The following MTMR10 variants were observed in gnomAD, a reference collection of about 807,000 sequenced individuals.
The protein encoded by MTMR10 is myotubularin related protein 10, also known as myotubularin-related protein 10.
MTMR10 carries 56 observed loss-of-function variants against 88.1 expected under a neutral mutation model. The ratio of observed to expected loss-of-function variants is 0.64; its 90% CI spans 0.51 to 0.79. MTMR10 has a LOEUF of 0.79. MTMR10 is among the 30% of genes least tolerant of loss of function. The probability of loss-of-function intolerance (pLI) is 0.00; values close to 1 mark genes in which losing one functional copy is unlikely to be tolerated. For missense variants in MTMR10, 883 were observed against 924.7 expected (o/e 0.95, Z 0.58); for synonymous variants, 380 against 340.9 (o/e 1.11, Z -1.26).
chr15:30,972,440 T>C (rs2063548733), intron 5 of MTMR10, among the ~76,000 whole-genome samples: 1 of 152,132 alleles, frequency 6.6e-6, no homozygotes, highest in African/African-American at 2.4e-5. Flanking sequence ...ATGCTTTTTA[T>C]ATTTTAGGAT....
At chr15:30,972,614 T>C (rs2063551008) in intron 5 of MTMR10, among the ~76,000 whole-genome samples, 1 of 152,222 alleles carries the variant, frequency 6.6e-6, no homozygotes, top group Non-Finnish European at 1.5e-5. Flanking sequence ...TCTGTTCATC[T>C]GGAAATCAAC....
intron 2 of MTMR10, among the ~76,000 whole-genome samples, chr15:30,988,726 C>T (rs1360610158): frequency 3.9e-5 from 6 of 152,122 alleles, no homozygotes; most frequent in African/African-American, 9.7e-5. Flanking sequence ...CAGTGGCTCA[C>T]GCCTGTAATC....
At chr15:30,930,085 A>G in the MTMR10 span, among the ~76,000 whole-genome samples, 1,728 of 148,760 alleles carry the variant, frequency 0.012, 30 homozygotes, top group African/African-American at 0.04. Context: ...CCTGGCCCCA[A>G]TGCCACTGTT....
downstream of MTMR10, chr15:30,936,999 C>A (rs976410589): frequency 3.8e-6 from 3 of 786,414 alleles, no homozygotes; most frequent in Non-Finnish European, 6.3e-6. Flanking sequence ...GTTACACTTA[C>A]AAATACAGTG....
In MTMR10 at chr15:30,942,945, C is replaced by A; in HGVS notation, c.1676G>T (p.Gly559Val). 6.4e-7 allele frequency: 1 copy of A among 1,565,216 alleles called. No individual in the cohort carries two copies. The highest frequency in any genetic ancestry group is 2.3e-5 in the East Asian group (1 of 42,950). Residue 559 changes from glycine to valine, a missense_variant, in exon 15 of 16, where the codon GGA (glycine) becomes GTA (valine). By Grantham distance (109) the Gly-to-Val change is moderately radical. Transcript: ENST00000435680. ...ATTCTGTATACAAGGTGTGCTCTTTCCAATGTAGAAGGGGTTATGGAAAAG... is the reference window on the plus strand; with the variant it reads ...ATTCTGTATACAAGGTGTGCTCTTTACAATGTAGAAGGGGTTATGGAAAAG... ...RTLFHNPFYI[G>V]KSTPCIQNGS...
chr15:30,946,642 C>T (rs2063175280), intron 14 of MTMR10: 2 of 677,160 alleles, frequency 3.0e-6, no homozygotes, highest in Admixed American at 4.4e-5. Flanking sequence ...TGAAATGGCA[C>T]TTTGGTTCAG....
the MTMR10 span, chr15:30,929,233 T>G: frequency 8.1e-6 from 13 of 1,613,438 alleles, no homozygotes; most frequent in Non-Finnish European, 1.0e-5. Context: ...CACAGACAGC[T>G]TCTTCACAAG....
rs1566938884 is a variant in MTMR10, at chr15:30,938,970, T to A, written c.*2500A>T. On this transcript the variant is annotated 3_prime_UTR_variant, in exon 16 of 16. Transcript: ENST00000435680. ...GTCGCTGTGGAATTTTATTAAGCCA[T>A]CAAAATTTCCTTCACATTCAATACT... 2 of 985,244 alleles carry A rather than the reference T, an allele frequency of 2.0e-6. No homozygotes were observed. Among genetic ancestry groups the A allele is most frequent in the African/African-American group, 1.7e-5 (1 of 57,226 alleles). The allele number at this position is 985,244 out of a possible 1,614,324, so 61.0% of individuals were successfully genotyped here. A position where few individuals can be genotyped will look rare whatever the true frequency, so the allele number is the denominator to read the frequency against.
chr15:30,980,078 G>C (rs542870142), intron 2 of MTMR10, among the ~76,000 whole-genome samples: 1 of 152,166 alleles, frequency 6.6e-6, no homozygotes, highest in Non-Finnish European at 1.5e-5. Flanking sequence ...TTACTGAAGC[G>C]ACAACTCTTA....
chr15:30,972,906 C>G (rs555452253), intron 5 of MTMR10, among the ~76,000 whole-genome samples: 1 of 152,086 alleles, frequency 6.6e-6, no homozygotes, highest in Admixed American at 6.6e-5. Context: ...GAAAGAGATC[C>G]GGTCAATTGC....
chr15:30,971,335 A>C (rs1184183758), intron 5 of MTMR10, among the ~76,000 whole-genome samples: 2 of 152,202 alleles, frequency 1.3e-5, no homozygotes, highest in Admixed American at 1.3e-4. Flanking sequence ...AGAAGCCAGA[A>C]GTACCCACAG....
chr15:30,935,576 G>A (rs1316871109), downstream of MTMR10, among the ~76,000 whole-genome samples: 1 of 150,998 alleles, frequency 6.6e-6, no homozygotes, highest in African/African-American at 2.4e-5. Flanking sequence ...AGATGTGCTA[G>A]AATATGCAGA....
At chr15:30,965,732 A>G (rs2063465110) in intron 6 of MTMR10, 2 of 263,588 alleles carry the variant, frequency 7.6e-6, no homozygotes. Flanking sequence ...AGGACCTTTC[A>G]GAGATGGCTT....
chr15:30,964,043 G>A (rs924980338), intron 6 of MTMR10, among the ~76,000 whole-genome samples: 11 of 151,514 alleles, frequency 7.3e-5, no homozygotes, highest in Middle Eastern at 6.8e-3. Context: ...TAGCAAGTTT[G>A]GAATAAAAGG....
At chr15:30,975,524 A>G (rs1057383847) in intron 3 of MTMR10, among the ~76,000 whole-genome samples, 1 of 152,204 alleles carries the variant, frequency 6.6e-6, no homozygotes, top group East Asian at 1.9e-4. Context: ...AAGCTGTTCC[A>G]GGTATCTGCT....
chr15:30,955,487 G>A lies in MTMR10; in HGVS notation c.936-594C>T, dbSNP rs377076806. Among the ~76,000 whole-genome samples, 50 of 152,256 alleles carry A rather than the reference G, an allele frequency of 3.3e-4. No homozygotes were observed. The South Asian group carries it at 3.5e-3, about 11-fold the overall frequency. ...GGGTTTCACCATGTTGGCCAGGCTG[G>A]TCTCAAACTCCTGACCTTGTGATTC... On this transcript the variant is annotated intron_variant, in intron 9 of 15. Transcript: ENST00000435680.
chr15:30,943,280 C>CT, intron 14 of MTMR10: 1 of 985,386 alleles, frequency 1.0e-6, no homozygotes, highest in Non-Finnish European at 1.2e-6. Flanking sequence ...AAGGAGTGTG[C>CT]TTTTCAGGTG....
chr15:30,966,317 C>T (rs2063471800), intron 6 of MTMR10, among the ~76,000 whole-genome samples: 1 of 152,136 alleles, frequency 6.6e-6, no homozygotes, highest in South Asian at 2.1e-4. Flanking sequence ...GAGATGCCCA[C>T]AAGGTATGAA....
In MTMR10 at chr15:30,967,933, T is replaced by C; in HGVS notation, c.552A>G (p.Lys184=). The change falls in exon 6 of 16, where the codon AAA becomes AAG. Residue 184 remains lysine (K), a synonymous_variant. Coordinates refer to ENST00000435680, the MANE Select transcript of MTMR10 (RefSeq NM_017762.3). ...LLFAFEYVGK[K]YHNSANKING... ...TTTCATATTTACCTGAATTGTGGTA[T>C]TTTTTCCCAACATATTCAAATGCAA... 1 of 1,556,598 alleles carries C rather than the reference T, an allele frequency of 6.4e-7. No individual in the cohort carries two copies. The highest frequency in any genetic ancestry group is 8.7e-7 in the Non-Finnish European group (1 of 1,148,046).
Sources: allele counts gnomAD v4.1 joint callset (sites outside exome capture counted in the v4.1 genomes callset), GRCh38; gene constraint gnomAD v4.1.1; transcripts MANE v1.5; gene names NCBI Gene and HGNC (gene_info 2026-07-23, HGNC 2026-07-21).